The following MCM3 variants were observed in gnomAD, a reference collection of about 807,000 sequenced individuals.
The protein encoded by MCM3 is DNA replication licensing factor MCM3.
In MCM3, 59 loss-of-function variants were observed where a neutral mutation model predicts 91.3. The ratio of observed to expected loss-of-function variants is 0.65; its 90% CI spans 0.52 to 0.80. MCM3 has a LOEUF of 0.80. Ranked by LOEUF, MCM3 falls within the 30% of genes least tolerant of loss-of-function variation. MCM3 has a pLI of 0.00. For missense variants in MCM3, 919 were observed against 1,035.4 expected (o/e 0.89, Z 1.54); for synonymous variants, 383 against 379.6 (o/e 1.01, Z -0.10).
At chr6:52,274,539 T>A (rs542130051) in intron 9 of MCM3, among the ~76,000 whole-genome samples, 4 of 151,640 alleles carry the variant, frequency 2.6e-5, no homozygotes, top group Non-Finnish European at 5.9e-5. Flanking sequence ...GAAAAAAAAA[T>A]TTGCCAGGCA....
chr6:52,271,420 A>G (rs1447397796), intron 12 of MCM3, among the ~76,000 whole-genome samples: 1 of 152,186 alleles, frequency 6.6e-6, no homozygotes, highest in Non-Finnish European at 1.5e-5. Flanking sequence ...AGCCGGGCGG[A>G]TCACCTGAGG....
At position 52,283,290 on chromosome 6, in the gene MCM3, T is replaced by C; in HGVS notation, c.191+4A>G. ...GACAGCCAGTATATCCCCTTGCCTC[T>C]CACCGGTTAGCCCTCTTCTCGTTTT... On this transcript the variant is annotated splice_donor_region_variant and intron_variant, in intron 2 of 16. Transcript: ENST00000596288. 6.2e-7 allele frequency: 1 copy of C among 1,613,368 alleles called. No individual in the cohort carries two copies. The highest frequency in any genetic ancestry group is 8.5e-7 in the Non-Finnish European group (1 of 1,179,316).
intron 16 of MCM3, among the ~76,000 whole-genome samples, chr6:52,265,574 AT>A (rs1193306793): frequency 9.9e-5 from 15 of 152,258 alleles, no homozygotes; most frequent in Non-Finnish European, 1.5e-5. Context: ...TGTGTTTCAA[AT>A]TTTTTTCAGT....
rs1766487276 is a variant in MCM3, at chr6:52,284,661, A to T, written c.14T>A (p.Val5Glu). Residue 5 changes from valine to glutamate, a missense_variant, in exon 1 of 17, where the codon GTG becomes GAG. By Grantham distance (121) the Val-to-Glu change is moderately radical (BLOSUM62 -2). Transcript: ENST00000596288. ...CCGCAGCTCCACATCGTCCAGCACCACGGTACCCGCCATGCCCGCTGCCAA... is the reference window on the plus strand; with the variant it reads ...CCGCAGCTCCACATCGTCCAGCACCTCGGTACCCGCCATGCCCGCTGCCAA... MAGTVVLDDVELREA... is the reference protein window; with the variant it reads MAGTEVLDDVELREA... 6.3e-7 allele frequency: 1 copy of T among 1,589,148 alleles called. No individual in the cohort carries two copies. The highest frequency in any genetic ancestry group is 1.7e-4 in the Middle Eastern group (1 of 6,012).
In MCM3 at chr6:52,266,700, A is replaced by C; in HGVS notation, c.2073-4T>G. On this transcript the variant is annotated splice_polypyrimidine_tract_variant and splice_region_variant and intron_variant, in intron 14 of 16. Transcript: ENST00000596288. ...ATCTGGCTGGCGAGTCTTCCTTCTA[A>C]AATACCCACAGCAGTTAAGAGAGAG... is the stretch of plus-strand genomic sequence containing the variant. 1 of 1,611,814 alleles carries C rather than the reference A, an allele frequency of 6.2e-7. No individual in the cohort carries two copies. The highest frequency in any genetic ancestry group is 8.5e-7 in the Non-Finnish European group (1 of 1,177,896).
intron 14 of MCM3, 72 bp downstream of exon 14, chr6:52,267,793 T>C (rs1263805739): frequency 1.1e-5 from 8 of 726,714 alleles, no homozygotes; most frequent in Middle Eastern, 4.6e-4. Context: ...CCCAAATTGC[T>C]AAGATTACAG....
chr6:52,280,390 T>G (rs192755766), intron 4 of MCM3, among the ~76,000 whole-genome samples: 3 of 152,396 alleles, frequency 2.0e-5, no homozygotes, highest in Non-Finnish European at 4.4e-5. Flanking sequence ...GTGTTTGCTA[T>G]GTGCCAGGCA....
In MCM3 at chr6:52,284,600, G is replaced by C; in HGVS notation, c.75C>G (p.Asp25Glu). The change falls in exon 1 of 17, where the codon GAC (aspartate) becomes GAG (glutamate). Residue 25 changes from aspartate to glutamate, a missense_variant. By Grantham distance (45) the Asp-to-Glu change is conservative. Around this residue, in one of 3 missense-constraint regions of MCM3, gnomAD observed 401 missense variants for 402.7 expected, o/e 1.00. Coordinates refer to ENST00000596288, the MANE Select transcript of MCM3 (RefSeq NM_002388.6). ...AQRDYLDFLD[D>E]EEDQGIYQSK... Reference sequence around the variant, plus strand: ...CGCGCGCCGGCGCCTCCCTCACCTCGTCGTCCAGGAAGTCCAGGTAATCTC... The same window carrying C: ...CGCGCGCCGGCGCCTCCCTCACCTCCTCGTCCAGGAAGTCCAGGTAATCTC... 6.2e-7 allele frequency: 1 copy of C among 1,606,782 alleles called. No individual in the cohort carries two copies. The highest frequency in any genetic ancestry group is 8.5e-7 in the Non-Finnish European group (1 of 1,178,234).
rs1413804000 is a variant in MCM3, at chr6:52,264,634, T to A, written c.2381A>T (p.Asp794Val). Residue 794 changes from aspartate to valine, a missense_variant, in exon 17 of 17, where the codon GAT becomes GTT. Physicochemically the swap from Asp to Val is radical, Grantham distance 152 (BLOSUM62 -3). Coordinates refer to ENST00000596288, the MANE Select transcript of MCM3 (RefSeq NM_002388.6). ...EIQAALSKMQ[D>V]DNQVMVSEGI... ...CTCAGACACCATGACCTGATTGTCA[T>A]CCTGCATCTTGCTCAGAGCAGCCTG... The A allele has an allele frequency of 6.2e-7, 1 of 1,614,070 alleles. No homozygotes were observed. Among genetic ancestry groups the A allele is most frequent in the Non-Finnish European group, 8.5e-7 (1 of 1,180,032 alleles).
chr6:52,277,608 C>T lies in MCM3; in HGVS notation c.960G>A (p.Leu320=). The change falls in exon 7 of 17, where the codon TTG becomes TTA. Residue 320 remains leucine, a synonymous_variant. Coordinates refer to ENST00000596288, the MANE Select transcript of MCM3 (RefSeq NM_002388.6). ...GGTCTCGTTCCACCCCTCCCAAGAG[C>T]AAGCAGAGGATTGCTTTCTTGACAT... The part of the protein sequence containing the change: ...HDYVKKAILC[L]LLGGVERDLE... 1 of 1,614,038 alleles carries T rather than the reference C, an allele frequency of 6.2e-7. No individual in the cohort carries two copies. The highest frequency in any genetic ancestry group is 8.5e-7 in the Non-Finnish European group (1 of 1,179,980).
intron 4 of MCM3, among the ~76,000 whole-genome samples, chr6:52,281,306 A>C (rs1032117648): frequency 3.3e-5 from 5 of 152,216 alleles, no homozygotes; most frequent in African/African-American, 1.2e-4. Flanking sequence ...ACGTTGTTAA[A>C]ACATCTATGT....
chr6:52,277,488 A>G, intron 7 of MCM3, 47 bp downstream of exon 7: 1 of 1,568,972 alleles, frequency 6.4e-7, no homozygotes, highest in Non-Finnish European at 8.7e-7. Context: ...GGTCTCCACA[A>G]CCACTCCATC....
At chr6:52,269,050 G>C in intron 13 of MCM3, 36 bp downstream of exon 13, 1 of 1,594,532 alleles carries the variant, frequency 6.3e-7, no homozygotes, top group African/African-American at 1.3e-5. Flanking sequence ...AATATATCCA[G>C]GAGATCCTCT....
intron 13 of MCM3, among the ~76,000 whole-genome samples, chr6:52,268,877 A>C (rs1764862192): frequency 6.6e-6 from 1 of 152,240 alleles, no homozygotes; most frequent in South Asian, 2.1e-4. Flanking sequence ...TCAGCATTTT[A>C]AAGCTTTCCA....
rs577099430 is a variant in MCM3, at chr6:52,273,304, A to G, written c.1602T>C (p.Phe534=). Residue 534 remains phenylalanine (F), a synonymous_variant, in exon 11 of 17, where the codon TTT becomes TTC. Coordinates refer to ENST00000596288, the MANE Select transcript of MCM3 (RefSeq NM_002388.6). ...VDILATDDPN[F]SQEDQQDTQI... is the part of the protein sequence containing the mutation. ...GGGTGTCCTGCTGATCTTCCTGGCT[A>G]AAGTTGGGATCATCTGTGGCCAGGA... 1.9e-5 allele frequency: 30 copies of G among 1,614,204 alleles called. No individual in the cohort carries two copies. In the South Asian group the frequency reaches 3.0e-4, roughly 16 times the overall value.
rs775410933 is a variant in MCM3, at chr6:52,283,396, C to T, written c.89G>A (p.Gly30Glu). The T allele has an allele frequency of 9.9e-6, 16 of 1,613,114 alleles. No individual in the cohort carries two copies. The East Asian group carries it at 3.1e-4, about 31-fold the overall frequency. The change falls in exon 2 of 17, where the codon GGA becomes GAA. Residue 30 changes from glycine to glutamate, a missense_variant. This residue lies in a region of MCM3 where 401 missense variants were observed against 402.7 expected (regional missense o/e 1.00). Coordinates refer to ENST00000596288, the MANE Select transcript of MCM3 (RefSeq NM_002388.6). Reference protein sequence around the residue: ...LDFLDDEEDQGIYQSKVRELI... With the variant: ...LDFLDDEEDQEIYQSKVRELI... ...CTCCCGAACTTTGCTCTGATAAATT[C>T]CCTGGTCTTCCTGCAAAACAGCCAC...
intron 12 of MCM3, among the ~76,000 whole-genome samples, chr6:52,270,932 A>C (rs995449889): frequency 6.6e-6 from 1 of 152,176 alleles, no homozygotes; most frequent in African/African-American, 2.4e-5. Flanking sequence ...GGGTATTAAG[A>C]AGTCCCGGCC....
chr6:52,277,305 G>A, intron 7 of MCM3, 107 bp from the exon 8 acceptor site: 3 of 1,230,974 alleles, frequency 2.4e-6, no homozygotes, highest in East Asian at 2.5e-5. Flanking sequence ...ACAGTAAGTG[G>A]ATTTTAATAT....
chr6:52,271,564 C>T (rs1391462848), intron 12 of MCM3, among the ~76,000 whole-genome samples: 1 of 152,170 alleles, frequency 6.6e-6, no homozygotes, highest in Non-Finnish European at 1.5e-5. Context: ...ATCGCTTGAA[C>T]CAGGGAGGTG....
Sources: gnomAD v4.1 joint callset for allele counts (sites outside exome capture counted in the v4.1 genomes callset) on GRCh38, gnomAD v4.1.1 for gene constraint, gnomAD v4.1.1 regional missense constraint, MANE v1.5 for transcripts, NCBI Gene and HGNC (gene_info 2026-07-23, HGNC 2026-07-21) for gene names.